Variants in COPB1 observed in about 807,000 individuals in gnomAD.
COPB1 encodes coatomer subunit beta.
Under a neutral mutation model 108.7 loss-of-function variants are expected in COPB1, and 21 were observed. The ratio of observed to expected loss-of-function variants is 0.19; its 90% CI spans 0.14 to 0.28. The LOEUF (loss-of-function observed/expected upper bound fraction) is 0.28. Among genes scored for constraint, COPB1 ranks in the 10% least tolerant of loss-of-function variants. COPB1 has a pLI of 1.00. For missense variants in COPB1, 919 were observed against 1,141.3 expected, an observed-to-expected ratio of 0.81 and a Z score of 2.81; for synonymous variants, 378 against 386.8, an observed-to-expected ratio of 0.98 and a Z score of 0.27.
chr11:14,475,648 G>T, intron 13 of COPB1, 137 bp downstream of exon 13: 2 of 758,246 alleles, frequency 2.6e-6, no homozygotes, highest in Non-Finnish European at 1.9e-6. Context: ...AACATCCTCC[G>T]CTTCTCAAGT....
In COPB1 at chr11:14,490,673, A is replaced by C; in HGVS notation, c.498T>G (p.Phe166Leu). Residue 166 changes from phenylalanine (F) to leucine (L), a missense_variant, in exon 5 of 22, where the codon TTT (phenylalanine) becomes TTG (leucine). By Grantham distance (22) the Phe-to-Leu change is conservative (BLOSUM62 0). Transcript: ENST00000439561. ...VLAIYTIYRN[F>L]EHLIPDAPEL... ...CAGGAGCATCAGGTATAAGATGTTC[A>C]AAATTTCTTTAAATAAAACAGGTAA... 1 of 1,593,604 alleles carries C rather than the reference A, an allele frequency of 6.3e-7. No homozygotes were observed.
chr11:14,488,111 A>T (rs1333770071), intron 6 of COPB1, among the ~76,000 whole-genome samples: 1 of 152,214 alleles, frequency 6.6e-6, no homozygotes, highest in Non-Finnish European at 1.5e-5. Context: ...CAAACAGGGA[A>T]CATAAAAAGT....
chr11:14,477,724 G>A (rs992464465), intron 11 of COPB1, among the ~76,000 whole-genome samples: 3 of 151,948 alleles, frequency 2.0e-5, no homozygotes, highest in East Asian at 3.9e-4. Context: ...GTGAAACCTC[G>A]TCTCTACTGA....
In COPB1 at chr11:14,461,291, C is replaced by A; in HGVS notation, c.2451G>T (p.Val817=). Residue 817 remains valine, a synonymous_variant, in exon 19 of 22, where the codon GTG becomes GTT. Transcript: ENST00000439561. ...VSGAASDRNC[V]VLSDIHIDIM... ...TGTCGATGTGAATATCACTGAGAAC[C>A]ACACAATTTCTGTCACTTGCTGCTC... 6.2e-7 allele frequency: 1 copy of A among 1,614,114 alleles called. No homozygotes were observed. The highest frequency in any genetic ancestry group is 8.5e-7 in the Non-Finnish European group (1 of 1,180,012).
intron 14 of COPB1, chr11:14,473,955 G>A (rs1850463742): frequency 6.6e-6 from 1 of 151,496 alleles, no homozygotes; most frequent in Non-Finnish European, 1.5e-5. Context: ...ATTTTTTACT[G>A]TTTATCATTT....
At chr11:14,492,507 C>T (rs1363330360) in intron 4 of COPB1, among the ~76,000 whole-genome samples, 1 of 152,020 alleles carries the variant, frequency 6.6e-6, no homozygotes, top group African/African-American at 2.4e-5. Flanking sequence ...CCACGCCCAG[C>T]TAATTTTGTA....
At chr11:14,495,804 C>T (rs946650093) in intron 2 of COPB1, among the ~76,000 whole-genome samples, 1 of 152,152 alleles carries the variant, frequency 6.6e-6, no homozygotes, top group African/African-American at 2.4e-5. Flanking sequence ...CTTTACCTTC[C>T]TAGCTATAAC....
intron 12 of COPB1, among the ~76,000 whole-genome samples, 164 bp downstream of exon 12, chr11:14,476,752 GCTA>G (rs1455470168): frequency 7.1e-6 from 1 of 141,330 alleles, no homozygotes; most frequent in African/African-American, 2.6e-5. Context: ...AATTTTACAA[GCTA>G]CTGCTTCTTT....
At chr11:14,497,605 G>T (rs1215499513) in intron 2 of COPB1, among the ~76,000 whole-genome samples, 1 of 152,154 alleles carries the variant, frequency 6.6e-6, no homozygotes, top group Non-Finnish European at 1.5e-5. Context: ...ATGTAAACTA[G>T]TATACCCACT....
At chr11:14,499,594 C>G (rs1285464823) in intron 1 of COPB1, 113 bp downstream of exon 1, 3 of 150,696 alleles carry the variant, frequency 2.0e-5, no homozygotes, top group Admixed American at 6.6e-5. Context: ...CCCGCACCCC[C>G]ACCCGTACCC....
chr11:14,471,434 A>T (rs1850399628), intron 14 of COPB1, among the ~76,000 whole-genome samples: 1 of 152,214 alleles, frequency 6.6e-6, no homozygotes, highest in Non-Finnish European at 1.5e-5. Flanking sequence ...CTGAGATAAA[A>T]AAATGTTGGA....
At chr11:14,498,784 T>C in intron 2 of COPB1, 54 bp downstream of exon 2, 1 of 1,414,054 alleles carries the variant, frequency 7.1e-7, no homozygotes. Context: ...TATGAGTTTT[T>C]TATTTTTGTT....
chr11:14,499,096 T>C, intron 1 of COPB1, 111 bp from the exon 2 acceptor site: 1 of 546,030 alleles, frequency 1.8e-6, no homozygotes, highest in Non-Finnish European at 3.2e-6. Context: ...ATCTATATCG[T>C]GTTCCCATAA....
intron 18 of COPB1, 68 bp from the exon 19 acceptor site, chr11:14,461,399 C>A: frequency 1.3e-6 from 2 of 1,496,524 alleles, no homozygotes; most frequent in Non-Finnish European, 1.8e-6. Context: ...ATCTTAATAT[C>A]CAAATATCCA....
intron 18 of COPB1, among the ~76,000 whole-genome samples, chr11:14,462,538 CT>C (rs1850181683): frequency 1.3e-5 from 2 of 152,112 alleles, no homozygotes; most frequent in Admixed American, 1.3e-4. Context: ...GGCCTCTAGG[CT>C]CTTTTCTTGA....
chr11:14,474,693 G>A (rs1850480352), intron 13 of COPB1, 78 bp from the exon 14 acceptor site: 51 of 1,570,030 alleles, frequency 3.2e-5, no homozygotes, highest in Non-Finnish European at 4.4e-5. Context: ...AATGATATAG[G>A]CCTATTAAAC....
At chr11:14,493,847 C>A in intron 3 of COPB1, 36 bp from the exon 4 acceptor site, 1 of 1,463,282 alleles carries the variant, frequency 6.8e-7, no homozygotes, top group Non-Finnish European at 9.1e-7. Flanking sequence ...TGCTGAGTTT[C>A]AGCTTTTTAC....
intron 16 of COPB1, among the ~76,000 whole-genome samples, chr11:14,468,182 G>T (rs1230029029): frequency 6.6e-6 from 1 of 152,118 alleles, no homozygotes; most frequent in African/African-American, 2.4e-5. Context: ...CAAAAGTAAT[G>T]TAAGACTGTT....
chr11:14,498,962 C>G lies in COPB1; in HGVS notation c.-34G>C, dbSNP rs747593693. The G allele has an allele frequency of 1.3e-6, 2 of 1,513,534 alleles. No individual in the cohort carries two copies. Among genetic ancestry groups the G allele is most frequent in the Middle Eastern group, 1.9e-4 (1 of 5,134 alleles). The allele number at this position is 1,513,534 out of a possible 1,614,324, so 93.8% of individuals were successfully genotyped here. On this transcript the variant is annotated 5_prime_UTR_variant, in exon 2 of 22. Coordinates refer to ENST00000439561, the MANE Select transcript of COPB1 (RefSeq NM_001144061.2). ...GTTATATTATAACCAATCCTTGACA[C>G]AAGATTTAAGGATGCCAGAAAATCT...
Sources: gnomAD v4.1 joint callset for allele counts (sites outside exome capture counted in the v4.1 genomes callset) on GRCh38, gnomAD v4.1.1 for gene constraint, MANE v1.5 for transcripts, NCBI Gene and HGNC (gene_info 2026-07-23, HGNC 2026-07-21) for gene names.